Variants in DHX35 observed in about 807,000 individuals in gnomAD.
The protein encoded by DHX35 is DEAH-box helicase 35, also known as probable ATP-dependent RNA helicase DHX35.
A neutral mutation model predicts 99.6 loss-of-function variants in DHX35; 84 were observed. The observed-to-expected ratio is 0.84, with a 90% CI of 0.71 to 1.01. DHX35 has a LOEUF of 1.01. Ranked by LOEUF, DHX35 falls within the 50% of genes least tolerant of loss-of-function variation. The pLI is 0.00. For missense variants in DHX35, 852 were observed against 888.5 expected (o/e 0.96, Z 0.52); for synonymous variants, 331 against 316.2 (o/e 1.05, Z -0.50).
intron 15 of DHX35, 98 bp downstream of exon 15, chr20:39,018,997 G>A (rs1269832073): frequency 1.9e-5 from 20 of 1,030,930 alleles, no homozygotes; most frequent in Non-Finnish European, 2.7e-5. Flanking sequence ...GTACAATATG[G>A]TAAAGAAGTA....
Position 39,025,248 on chromosome 20 carries a change from T to C in DHX35, c.1690T>C (p.Trp564Arg). 1 of 1,613,034 alleles carries C rather than the reference T, an allele frequency of 6.2e-7. No individual in the cohort carries two copies. The highest frequency in any genetic ancestry group is 8.5e-7 in the Non-Finnish European group (1 of 1,179,484). Residue 564 changes from tryptophan (W) to arginine (R), a missense_variant, in exon 18 of 22, where the codon TGG becomes CGG. Transcript: ENST00000252011. ...TCTGTAGCACAATAAGGACTCTAAATGGTGTCAGGAACATTTCCTGAATTA... is the reference window on the plus strand; with the variant it reads ...TCTGTAGCACAATAAGGACTCTAAACGGTGTCAGGAACATTTCCTGAATTA... ...AFIKHNKDSK[W>R]CQEHFLNYKG...
chr20:39,003,053 C>T (rs1183037144), intron 10 of DHX35, among the ~76,000 whole-genome samples, 185 bp downstream of exon 10: 2 of 152,146 alleles, frequency 1.3e-5, no homozygotes, highest in Admixed American at 6.5e-5. Flanking sequence ...CTCGTTAGCC[C>T]CTGCCTGTTC....
chr20:39,014,943 G>C lies in DHX35; in HGVS notation c.1402+9G>C. On this transcript the variant is annotated intron_variant, in intron 14 of 21. Coordinates refer to ENST00000252011, the MANE Select transcript of DHX35 (RefSeq NM_021931.4). ...ACTGTATGCTCTGGGAGGTATGCCAGTTTCTCTCATCATTCTCTCTTATTA... is the reference window on the plus strand; with the variant it reads ...ACTGTATGCTCTGGGAGGTATGCCACTTTCTCTCATCATTCTCTCTTATTA... The C allele has an allele frequency of 6.2e-7, 1 of 1,614,114 alleles. No individual in the cohort carries two copies. The highest frequency in any genetic ancestry group is 8.5e-7 in the Non-Finnish European group (1 of 1,179,978).
chr20:39,026,810 T>A (rs1047217596), intron 18 of DHX35, among the ~76,000 whole-genome samples: 2 of 151,862 alleles, frequency 1.3e-5, no homozygotes, highest in East Asian at 3.9e-4. Context: ...CATGTTGGAG[T>A]CATTGATAGA....
chr20:39,004,127 A>G (rs2086572262), intron 11 of DHX35, among the ~76,000 whole-genome samples: 1 of 151,978 alleles, frequency 6.6e-6, no homozygotes, highest in Non-Finnish European at 1.5e-5. Flanking sequence ...CAGTGGCGCG[A>G]TCTCAGCTCA....
At chr20:38,969,748 G>A (rs547852118) in intron 2 of DHX35, among the ~76,000 whole-genome samples, 1 of 152,324 alleles carries the variant, frequency 6.6e-6, no homozygotes, top group African/African-American at 2.4e-5. Flanking sequence ...AAACAGATGT[G>A]TGCTCAGCTA....
chr20:38,997,134 G>A (rs1004411586), intron 8 of DHX35, among the ~76,000 whole-genome samples: 1 of 151,836 alleles, frequency 6.6e-6, no homozygotes, highest in African/African-American at 2.4e-5. Flanking sequence ...ACAGTGGTGT[G>A]ATCTCAGCTC....
At chr20:38,962,596 C>T (rs1348487651) in intron 1 of DHX35, 189 bp downstream of exon 1, 7 of 660,256 alleles carry the variant, frequency 1.1e-5, no homozygotes, top group African/African-American at 3.7e-5. Flanking sequence ...GGGGTGCTCC[C>T]CTAGCGTGAG....
chr20:39,030,356 TAG>T (rs2145944876), intron 19 of DHX35: 1 of 246,980 alleles, frequency 4.0e-6, no homozygotes, highest in Non-Finnish European at 7.9e-6. Context: ...TTTTAGATTA[TAG>T]AAGAAATCAC....
intron 3 of DHX35, among the ~76,000 whole-genome samples, chr20:38,973,574 A>G (rs1374499580): frequency 6.6e-6 from 1 of 152,230 alleles, no homozygotes; most frequent in African/African-American, 2.4e-5. Flanking sequence ...TTGGAATTTT[A>G]TAAAGGAATA....
chr20:39,023,458 C>T (rs1027762386), intron 16 of DHX35, among the ~76,000 whole-genome samples: 1 of 152,082 alleles, frequency 6.6e-6, no homozygotes, highest in South Asian at 2.1e-4. Context: ...CTCAAGCGAT[C>T]CTTCCACCTC....
Position 39,010,329 on chromosome 20 carries a change from T to G in DHX35, c.1272T>G (p.Arg424=). Residue 424 remains arginine, a synonymous_variant, in exon 13 of 22, where the codon CGT becomes CGG. Transcript: ENST00000252011. The part of the protein sequence containing the change: ...LPQSTVPEMQ[R]SNLAPVILQL... ...AGTCTACGGTTCCTGAGATGCAGCG[T>G]AGTAATTTGGCACCTGTCATCCTGC... 1 of 1,614,136 alleles carries G rather than the reference T, an allele frequency of 6.2e-7. No individual in the cohort carries two copies. Among genetic ancestry groups the G allele is most frequent in the Non-Finnish European group, 8.5e-7 (1 of 1,180,014 alleles).
intron 17 of DHX35, among the ~76,000 whole-genome samples, chr20:39,024,346 G>A (rs560398744): frequency 2.6e-5 from 4 of 152,200 alleles, no homozygotes; most frequent in African/African-American, 9.6e-5. Context: ...GATGAAAAAA[G>A]TAACCTTACA....
chr20:39,004,971 C>T (rs1427290305), intron 11 of DHX35, among the ~76,000 whole-genome samples: 2 of 152,146 alleles, frequency 1.3e-5, no homozygotes, highest in Non-Finnish European at 2.9e-5. Flanking sequence ...CTGGATTCTG[C>T]CCCTGAGCTA....
intron 10 of DHX35, among the ~76,000 whole-genome samples, chr20:39,003,198 T>C (rs2086552277): frequency 1.3e-5 from 2 of 152,328 alleles, no homozygotes; most frequent in East Asian, 1.9e-4. Context: ...ATGTTGCTGC[T>C]GTGTACCTCT....
chr20:38,971,997 TTG>T (rs1297317068), intron 2 of DHX35, among the ~76,000 whole-genome samples: 3 of 138,730 alleles, frequency 2.2e-5, no homozygotes, highest in Non-Finnish European at 4.7e-5. Flanking sequence ...TTTTTTTGTT[TTG>T]TTTTGTTTTT....
At chr20:39,020,740 C>T (rs2086861363) in intron 15 of DHX35, among the ~76,000 whole-genome samples, 1 of 147,374 alleles carries the variant, frequency 6.8e-6, no homozygotes, top group Non-Finnish European at 1.5e-5. Flanking sequence ...CTCACTACAA[C>T]CTCTGCCTCC....
At chr20:39,004,210 C>A (rs2086574033) in intron 11 of DHX35, among the ~76,000 whole-genome samples, 1 of 152,092 alleles carries the variant, frequency 6.6e-6, no homozygotes, top group South Asian at 2.1e-4. Flanking sequence ...CTACAGGCGC[C>A]CGCCACCACA....
At position 39,031,632 on chromosome 20, in the gene DHX35, C is replaced by T. The variant is rs535058750; in HGVS notation, c.1955+857C>T. Among the ~76,000 whole-genome samples, 16 of 152,278 alleles carry T rather than the reference C, an allele frequency of 1.1e-4. No individual in the cohort carries two copies. The South Asian group carries it at 1.2e-3, about 12-fold the overall frequency. Reference sequence around the variant, plus strand: ...GATTACAGGCATGAGCCACTGTACCCGGCCCCAGCCCACAGTTTTGACATA... The same window carrying T: ...GATTACAGGCATGAGCCACTGTACCTGGCCCCAGCCCACAGTTTTGACATA... On this transcript the variant is annotated intron_variant, in intron 20 of 21. Coordinates refer to ENST00000252011, the MANE Select transcript of DHX35 (RefSeq NM_021931.4).
Sources: gnomAD v4.1 joint callset for allele counts (sites outside exome capture counted in the v4.1 genomes callset) on GRCh38, gnomAD v4.1.1 for gene constraint, MANE v1.5 for transcripts, NCBI Gene and HGNC (gene_info 2026-07-23, HGNC 2026-07-21) for gene names.